The following GGA2 variants were observed in gnomAD, a reference collection of about 807,000 sequenced individuals.
GGA2 encodes the protein ADP-ribosylation factor-binding protein GGA2.
A neutral mutation model predicts 79.5 loss-of-function variants in GGA2; 48 were observed. That is an observed-to-expected ratio of 0.60 (90% CI 0.48 to 0.77). The LOEUF is 0.77. Ranked by LOEUF, GGA2 falls within the 30% of genes least tolerant of loss-of-function variation. GGA2 has a pLI of 0.00. For synonymous variants in GGA2, 317 were observed against 302.0 expected (o/e 1.05, Z -0.51); for missense variants, 770 against 774.0 (o/e 0.99, Z 0.06).
Position 23,491,780 on chromosome 16 carries a change from T to C in GGA2, c.372A>G (p.Thr124=), listed in dbSNP as rs774004320. 8.7e-6 allele frequency: 14 copies of C among 1,612,198 alleles called. No homozygotes were observed. The highest frequency in any genetic ancestry group is 4.4e-5 in the South Asian group (4 of 91,040). Reference sequence around the variant, plus strand: ...CAATGACTCTTCCTTTAACTTTTCCTGTGGCCCAGGACCCCAGGTACTGAA... The same window carrying C: ...CAATGACTCTTCCTTTAACTTTTCCCGTGGCCCAGGACCCCAGGTACTGAA... ...LSPKYLGSWA[T]GKVKGRVIEI... is the part of the protein sequence containing the mutation. Residue 124 remains threonine, a synonymous_variant, in exon 5 of 17, where the codon ACA becomes ACG. Transcript: ENST00000309859.
chr16:23,506,968 G>A (rs1964980297), intron 1 of GGA2, among the ~76,000 whole-genome samples: 1 of 152,180 alleles, frequency 6.6e-6, no homozygotes, highest in Non-Finnish European at 1.5e-5. Flanking sequence ...ACTGGACCCA[G>A]AATGGGGGAG....
chr16:23,475,335 A>T (rs541396429), intron 13 of GGA2, among the ~76,000 whole-genome samples: 33 of 151,516 alleles, frequency 2.2e-4, no homozygotes, highest in African/African-American at 5.6e-4. Flanking sequence ...GATTACAGGC[A>T]CCTGCCACCA....
rs915604597 is a variant in GGA2, at chr16:23,486,866, G to A, written c.580-76C>T. On this transcript the variant is annotated intron_variant, in intron 6 of 16. Transcript: ENST00000309859. ...TAGAGCAGAAGCAGCAGCAACAGAA[G>A]AGTTAACACTAACAACAGTGCACAC... 4.7e-6 allele frequency: 4 copies of A among 848,270 alleles called. No individual in the cohort carries two copies. In the African/African-American group the frequency reaches 5.0e-5, roughly 11 times the overall value. 52.5% of individuals were successfully genotyped at this position (848,270 alleles called of 1,614,324 possible).
intron 13 of GGA2, among the ~76,000 whole-genome samples, chr16:23,475,932 GA>G (rs1378529097): frequency 6.1e-5 from 5 of 81,628 alleles, no homozygotes; most frequent in Non-Finnish European, 9.0e-5. Context: ...TCCATCTCAG[GA>G]AAAAAAAAAG....
At chr16:23,486,899 A>G (rs1445639299) in intron 6 of GGA2, 109 bp from the exon 7 acceptor site, 5 of 756,642 alleles carry the variant, frequency 6.6e-6, no homozygotes, top group South Asian at 1.4e-5. Context: ...CACATTTTAC[A>G]TGCACCATCT....
rs1964400689 is a variant in GGA2 at position 23,463,661 on chromosome 16, T to TG, written c.*3928dup. The TG allele has an allele frequency of 6.6e-6, 1 of 152,216 alleles. No individual in the cohort carries two copies. The highest frequency in any genetic ancestry group is 1.5e-5 in the Non-Finnish European group (1 of 68,044). The allele number at this position is 152,216 out of a possible 1,614,324, so 9.4% of individuals were successfully genotyped here. A position where few individuals can be genotyped will look rare whatever the true frequency, so the allele number is the denominator to read the frequency against. On this transcript the variant is annotated 3_prime_UTR_variant, in exon 17 of 17. Coordinates refer to ENST00000309859, the MANE Select transcript of GGA2 (RefSeq NM_015044.4). Reference sequence around the variant, plus strand: ...CTGTCAGATGTGCACACAAACATCTTGGTGCATCGCTTGGCTTTAAAACAA... The same window carrying TG: ...CTGTCAGATGTGCACACAAACATCTTGGGTGCATCGCTTGGCTTTAAAACAA...
At chr16:23,497,473 T>C (rs1400727519) in intron 1 of GGA2, among the ~76,000 whole-genome samples, 1 of 152,150 alleles carries the variant, frequency 6.6e-6, no homozygotes, top group East Asian at 1.9e-4. Context: ...AAGTCATGTG[T>C]CTAGATAGGG....
In GGA2 at chr16:23,466,515, GAC is replaced by G. The variant is rs1964439409; in HGVS notation, c.*1073_*1074del. The G allele has an allele frequency of 6.6e-6, 1 of 152,154 alleles. No individual in the cohort carries two copies. Among genetic ancestry groups the G allele is most frequent in the Non-Finnish European group, 1.5e-5 (1 of 68,028 alleles). 9.4% of individuals were successfully genotyped at this position (152,154 alleles called of 1,614,324 possible). On this transcript the variant is annotated 3_prime_UTR_variant, in exon 17 of 17. Transcript: ENST00000309859. ...AAGTTTCCTTTACTTCTCGACAGAA[GAC>G]AGTTCCCTTTAGGCCTATCATCTCT...
At chr16:23,507,668 C>T (rs530137682) in intron 1 of GGA2, among the ~76,000 whole-genome samples, 10 of 151,820 alleles carry the variant, frequency 6.6e-5, no homozygotes, top group African/African-American at 2.4e-4. Flanking sequence ...GTTGTGGTGG[C>T]GTGTGCCCGT....
chr16:23,478,516 A>C lies in GGA2; in HGVS notation c.1159-15T>G, dbSNP rs201297457. Reference sequence around the variant, plus strand: ...TGACCAGAAACCTGTCAAATCAGGAATGGCTAAAATAAGACCAGGGTATGA... The same window carrying C: ...TGACCAGAAACCTGTCAAATCAGGACTGGCTAAAATAAGACCAGGGTATGA... On this transcript the variant is annotated splice_polypyrimidine_tract_variant and intron_variant, in intron 12 of 16. Coordinates refer to ENST00000309859, the MANE Select transcript of GGA2 (RefSeq NM_015044.4). 16 of 1,603,122 alleles carry C rather than the reference A, an allele frequency of 1.0e-5. No homozygotes were observed. Among genetic ancestry groups the C allele is most frequent in the African/African-American group, 1.3e-5 (1 of 74,834 alleles).
chr16:23,524,314 C>T, upstream of GGA2: 2 of 1,498,718 alleles, frequency 1.3e-6, no homozygotes, highest in Non-Finnish European at 1.9e-6. Context: ...TCTCTGAAAG[C>T]TGTTTCTAAG....
At position 23,479,793 on chromosome 16, in the gene GGA2, A is replaced by C; in HGVS notation, c.1101T>G (p.Ser367=). Residue 367 remains serine, a synonymous_variant, in exon 11 of 17, where the codon TCT becomes TCG. Coordinates refer to ENST00000309859, the MANE Select transcript of GGA2 (RefSeq NM_015044.4). ...AGGCTGCCAGGTCCTGATGAAGCAA[A>C]GATGGCACCACAGTCCCCATCTGCG... The part of the protein sequence containing the change: ...GPAQMGTVVP[S]LLHQDLAALG... 1 of 1,614,146 alleles carries C rather than the reference A, an allele frequency of 6.2e-7. No individual in the cohort carries two copies. The highest frequency in any genetic ancestry group is 8.5e-7 in the Non-Finnish European group (1 of 1,180,006).
intron 1 of GGA2, among the ~76,000 whole-genome samples, chr16:23,520,398 T>C (rs1719512965): frequency 6.6e-6 from 1 of 152,162 alleles, no homozygotes; most frequent in Admixed American, 6.6e-5. Flanking sequence ...GCAGAATGTT[T>C]CTGAATCTAG....
At position 23,465,462 on chromosome 16, in the gene GGA2, C is replaced by G. The variant is rs1964423908; in HGVS notation, c.*2128G>C. On this transcript the variant is annotated 3_prime_UTR_variant, in exon 17 of 17. Transcript: ENST00000309859. ...TAAGCATAGTAGTACCACTGGGAGTCTGTCTCCTCAAAAGCAAGAATGTTC... is the reference window on the plus strand; with the variant it reads ...TAAGCATAGTAGTACCACTGGGAGTGTGTCTCCTCAAAAGCAAGAATGTTC... The G allele has an allele frequency of 2.9e-6, 2 of 701,574 alleles. No homozygotes were observed. Among genetic ancestry groups the G allele is most frequent in the Admixed American group, 4.0e-5 (2 of 49,746 alleles). The allele number at this position is 701,574 out of a possible 1,614,324, so 43.5% of individuals were successfully genotyped here. A position where few individuals can be genotyped will look rare whatever the true frequency, so the allele number is the denominator to read the frequency against.
chr16:23,498,194 C>T (rs892159123), intron 1 of GGA2, among the ~76,000 whole-genome samples: 7 of 151,872 alleles, frequency 4.6e-5, no homozygotes, highest in African/African-American at 9.7e-5. Context: ...GCAGGAGAAT[C>T]GCTTGAACCC....
chr16:23,488,081 G>A (rs954860263), intron 6 of GGA2, among the ~76,000 whole-genome samples: 1 of 152,056 alleles, frequency 6.6e-6, no homozygotes, highest in Admixed American at 6.6e-5. Flanking sequence ...GTTCATGGTG[G>A]ATGGAAAATG....
intron 10 of GGA2, 35 bp from the exon 11 acceptor site, chr16:23,479,922 G>A (rs765932309): frequency 7.5e-6 from 12 of 1,609,570 alleles, no homozygotes; most frequent in South Asian, 3.3e-5. Context: ...GAAGTCAGTT[G>A]GACATGAGAG....
chr16:23,507,131 G>C (rs1387250219), intron 1 of GGA2, among the ~76,000 whole-genome samples: 1 of 152,036 alleles, frequency 6.6e-6, no homozygotes, highest in African/African-American at 2.4e-5. Flanking sequence ...GAGGCCACTG[G>C]CTGCACCCTC....
chr16:23,494,314 A>G lies in GGA2; in HGVS notation c.241T>C (p.Tyr81His), dbSNP rs767084209. The change falls in exon 3 of 17, where the codon TAT becomes CAT. Residue 81 changes from tyrosine to histidine, a missense_variant. Transcript: ENST00000309859. ...CAAGCCAAACTCACCGTTAAGGCAT[A>G]AAGAGCTTCCTTCTCTTGCGGAGAC... ...IQSPQEKEAL[Y>H]ALTVLEMCMN... is the part of the protein sequence containing the mutation. 1.3e-5 allele frequency: 21 copies of G among 1,608,900 alleles called. No individual in the cohort carries two copies. Among genetic ancestry groups the G allele is most frequent in the Non-Finnish European group, 1.6e-5 (19 of 1,175,240 alleles).
Sources: allele counts gnomAD v4.1 joint callset (sites outside exome capture counted in the v4.1 genomes callset), GRCh38; gene constraint gnomAD v4.1.1; transcripts MANE v1.5; gene names NCBI Gene and HGNC (gene_info 2026-07-23, HGNC 2026-07-21).